Variants in EXOC3L2 observed in about 807,000 individuals in gnomAD.
EXOC3L2 encodes the protein exocyst complex component 3 like 2.
Under a neutral mutation model 44.4 loss-of-function variants are expected in EXOC3L2, and 17 were observed. That is an observed-to-expected ratio of 0.38 (90% CI 0.26 to 0.57). The LOEUF (loss-of-function observed/expected upper bound fraction) is 0.57, where lower values mean the gene tolerates loss of function less well. Among genes scored for constraint, EXOC3L2 ranks in the 20% least tolerant of loss-of-function variants. EXOC3L2 has a pLI of 0.65. For synonymous variants in EXOC3L2, 256 were observed against 253.7 expected (o/e 1.01, Z -0.09); for missense variants, 541 against 588.4 (o/e 0.92, Z 0.83).
At chr19:45,224,360 G>A (rs1056126756) in intron 8 of EXOC3L2, among the ~76,000 whole-genome samples, 1 of 152,062 alleles carries the variant, frequency 6.6e-6, no homozygotes, top group Non-Finnish European at 1.5e-5. Context: ...GGTTGAGCTT[G>A]TGTTACGGCC....
At chr19:45,226,811 G>A (rs346765) in intron 7 of EXOC3L2, among the ~76,000 whole-genome samples, 3,586 of 139,276 alleles carry the variant, frequency 0.026, 134 homozygotes, top group African/African-American at 0.09. Flanking sequence ...GGAGTGTAGT[G>A]GCGCGATCTC....
Position 45,213,083 on chromosome 19 carries a change from G to C in EXOC3L2, c.2395C>G (p.Arg799Gly). Reference protein sequence around the residue: ...RPRPPSLARPRAQR With the variant: ...RPRPPSLARPGAQR ...TTGGGTGACCCTCAGCGCTGGGCCC[G>C]AGGTCGCGCTAGAGACGGAGGCCGG... The change falls in exon 12 of 12, where the codon CGG becomes GGG. Residue 799 changes from arginine to glycine, a missense_variant. Arg to Gly is a moderately radical substitution (Grantham distance 125, BLOSUM62 -2). Coordinates refer to ENST00000413988, the MANE Select transcript of EXOC3L2 (RefSeq NM_001382422.1). 6.6e-7 allele frequency: 1 copy of C among 1,506,378 alleles called. No homozygotes were observed. Among genetic ancestry groups the C allele is most frequent in the Non-Finnish European group, 8.8e-7 (1 of 1,132,788 alleles). 93.3% of individuals were successfully genotyped at this position (1,506,378 alleles called of 1,614,324 possible).
At position 45,217,520 on chromosome 19, in the gene EXOC3L2, A is replaced by G; in HGVS notation, c.1998+8T>C. 6.4e-7 allele frequency: 1 copy of G among 1,573,524 alleles called. No homozygotes were observed. The highest frequency in any genetic ancestry group is 8.6e-7 in the Non-Finnish European group (1 of 1,167,402). ...CTGAAACACCCCCAACCGCGTCCCG[A>G]CACTGACCAGCCGCCGGAACAGCCT... On this transcript the variant is annotated splice_region_variant and intron_variant, in intron 10 of 11. Transcript: ENST00000413988.
intron 1 of EXOC3L2, among the ~76,000 whole-genome samples, chr19:45,241,480 A>C (rs1970131304): frequency 1.0e-5 from 1 of 95,290 alleles, no homozygotes. Context: ...TCCATCTCAA[A>C]AAAAAAAAAA....
intron 8 of EXOC3L2, among the ~76,000 whole-genome samples, chr19:45,220,542 G>T (rs1204662384): frequency 3.3e-5 from 5 of 152,154 alleles, no homozygotes; most frequent in Admixed American, 6.6e-5. Context: ...ATAACTTTAA[G>T]ACAGTGACAG....
At position 45,234,746 on chromosome 19, in the gene EXOC3L2, G is replaced by GCTCCTCGGC; in HGVS notation, c.595_603dup (p.Ala199_Glu201dup). ...GGCGCGCCGCCCCTCGACGGCGCCA[G>GCTCCTCGGC]CTCCTCGGCCTCTAGCTCCAGGATG... On this transcript the variant is annotated inframe_insertion, in exon 3 of 12. Coordinates refer to ENST00000413988, the MANE Select transcript of EXOC3L2 (RefSeq NM_001382422.1). This position sits in a 1 kb window ranked among gnomAD's most constrained non-coding sequence, Gnocchi z 5.0. 1 of 395,458 alleles carries GCTCCTCGGC rather than the reference G, an allele frequency of 2.5e-6. No homozygotes were observed. Among genetic ancestry groups the GCTCCTCGGC allele is most frequent in the Non-Finnish European group, 4.5e-6 (1 of 223,966 alleles). The allele number at this position is 395,458 out of a possible 1,614,324, so 24.5% of individuals were successfully genotyped here.
chr19:45,234,666 C>A lies in EXOC3L2; in HGVS notation c.684G>T (p.Ala228=). 1 of 374,496 alleles carries A rather than the reference C, an allele frequency of 2.7e-6. No homozygotes were observed. The highest frequency in any genetic ancestry group is 4.7e-6 in the Non-Finnish European group (1 of 210,648). The allele number at this position is 374,496 out of a possible 1,614,324, so 23.2% of individuals were successfully genotyped here. The change falls in exon 3 of 12, where the codon GCG becomes GCT. Residue 228 remains alanine, a synonymous_variant. Coordinates refer to ENST00000413988, the MANE Select transcript of EXOC3L2 (RefSeq NM_001382422.1). This position sits in a 1 kb window ranked among gnomAD's most constrained non-coding sequence, Gnocchi z 5.0. The part of the protein sequence containing the change: ...AGGGRRARDV[A]LLYEALQREL... ...CGCGCTGCAGGGCCTCGTACAGCAGCGCCACGTCCCGCGCCCGGCGGCCCC... is the reference window on the plus strand; with the variant it reads ...CGCGCTGCAGGGCCTCGTACAGCAGAGCCACGTCCCGCGCCCGGCGGCCCC...
In EXOC3L2 at chr19:45,212,701, C is replaced by A. The variant is rs1251635753; in HGVS notation, c.*368G>T. The A allele has an allele frequency of 1.1e-5, 2 of 176,010 alleles. No individual in the cohort carries two copies. The highest frequency in any genetic ancestry group is 2.3e-5 in the Non-Finnish European group (2 of 86,302). The allele number at this position is 176,010 out of a possible 1,614,324, so 10.9% of individuals were successfully genotyped here. A position where few individuals can be genotyped will look rare whatever the true frequency, so the allele number is the denominator to read the frequency against. On this transcript the variant is annotated 3_prime_UTR_variant, in exon 12 of 12. Coordinates refer to ENST00000413988, the MANE Select transcript of EXOC3L2 (RefSeq NM_001382422.1). ...CACTGCAGCCTCGAACTCCAGTGAT[C>A]CTCCAGCCTCAGCCTCACCAGTAGC...
At chr19:45,227,597 G>A (rs1969978487) in intron 7 of EXOC3L2, 65 bp downstream of exon 7, 7 of 1,396,374 alleles carry the variant, frequency 5.0e-6, no homozygotes, top group South Asian at 2.5e-5. Flanking sequence ...CCCAGGATCC[G>A]GGCATCCCAG....
Position 45,213,182 on chromosome 19 carries a change from T to G in EXOC3L2, c.2296A>C (p.Ser766Arg). 1 of 1,604,914 alleles carries G rather than the reference T, an allele frequency of 6.2e-7. No homozygotes were observed. Among genetic ancestry groups the G allele is most frequent in the Non-Finnish European group, 8.5e-7 (1 of 1,175,614 alleles). Residue 766 changes from serine to arginine, a missense_variant, in exon 12 of 12, where the codon AGC (serine) becomes CGC (arginine). Coordinates refer to ENST00000413988, the MANE Select transcript of EXOC3L2 (RefSeq NM_001382422.1). ...IPVPRPSFCL[S>R]LPLFLGRLPL... ...AGGCGGCCCAGGAAGAGAGGGAGGC[T>G]GAGACAGAAAGATGGGCGGGGCACA...
chr19:45,226,682 C>T (rs560606015), intron 7 of EXOC3L2, among the ~76,000 whole-genome samples: 10 of 151,364 alleles, frequency 6.6e-5, no homozygotes, highest in African/African-American at 2.4e-4. Flanking sequence ...ATGAACTGCT[C>T]GCCTCGGCCT....
intron 3 of EXOC3L2, among the ~76,000 whole-genome samples, chr19:45,232,979 T>A (rs1331866460): frequency 1.3e-5 from 2 of 151,276 alleles, no homozygotes; most frequent in Admixed American, 6.6e-5. Context: ...ACTTTGGGAG[T>A]TCGAGGCAAG....
At position 45,228,269 on chromosome 19, in the gene EXOC3L2, A is replaced by G. The variant is rs753263937; in HGVS notation, c.1270-3T>C. ...AGAAGGGCAGCCCGGGTCTGAGCCT[A>G]CAGTAGGGAGAGGGGAGACAGGCAG... On this transcript the variant is annotated splice_polypyrimidine_tract_variant and splice_region_variant and intron_variant, in intron 4 of 11. Transcript: ENST00000413988. 3 of 1,613,886 alleles carry G rather than the reference A, an allele frequency of 1.9e-6. No individual in the cohort carries two copies. The highest frequency in any genetic ancestry group is 2.5e-6 in the Non-Finnish European group (3 of 1,179,970).
intron 3 of EXOC3L2, among the ~76,000 whole-genome samples, chr19:45,233,872 G>A (rs1568483888): frequency 6.6e-6 from 1 of 152,188 alleles, no homozygotes; most frequent in Non-Finnish European, 1.5e-5. Context: ...AAGATTCGGG[G>A]ACTGGAAGGG....
At chr19:45,241,539 C>T (rs1970132172) in intron 1 of EXOC3L2, among the ~76,000 whole-genome samples, 1 of 151,984 alleles carries the variant, frequency 6.6e-6, no homozygotes, top group African/African-American at 2.4e-5. Context: ...TCTCCTAAGC[C>T]TTCCATGGCT....
At chr19:45,242,290 G>T (rs1970137011) in intron 1 of EXOC3L2, among the ~76,000 whole-genome samples, 1 of 152,146 alleles carries the variant, frequency 6.6e-6, no homozygotes, top group Non-Finnish European at 1.5e-5. Context: ...TTAGAGACAG[G>T]ATCTCACTCT....
rs950797638 is a variant in EXOC3L2, at chr19:45,219,393, C to CAAAAAAAAAAAAAAAA, written c.1720-1090_1720-1075dup. 2.8e-3 allele frequency among the ~76,000 whole-genome samples: 146 copies of CAAAAAAAAAAAAAAAA among 51,478 alleles called. 6 individuals are homozygous for CAAAAAAAAAAAAAAAA. Among genetic ancestry groups the CAAAAAAAAAAAAAAAA allele is most frequent in the African/African-American group, 6.3e-3 (87 of 13,894 alleles). The allele number at this position is 51,478 out of a possible 152,430, so 33.8% of individuals were successfully genotyped here. A position where few individuals can be genotyped will look rare whatever the true frequency, so the allele number is the denominator to read the frequency against. ...TGGGTAACAGAGGGAGGCCCCGTCT[C>CAAAAAAAAAAAAAAAA]AAAAAAAAAAAAAAAAAAAAAGAGA... On this transcript the variant is annotated intron_variant, in intron 8 of 11. Transcript: ENST00000413988.
chr19:45,215,472 A>T (rs1969822753), intron 11 of EXOC3L2, among the ~76,000 whole-genome samples: 1 of 151,294 alleles, frequency 6.6e-6, no homozygotes. Flanking sequence ...CCCTGTCTCA[A>T]AAAAAAAAGA....
Position 45,238,666 on chromosome 19 carries a change from C to T in EXOC3L2, c.380G>A (p.Arg127Gln), listed in dbSNP as rs561946925. ...GDEEAAGEAA[R>Q]RLAFLRLGRG... ...CCCCAGTCTCAGGAAGGCCAGTCTC[C>T]GGGCGGCCTCCCCCGCTGCCTCCTC... Residue 127 changes from arginine to glutamine, a missense_variant, in exon 2 of 12, where the codon CGG becomes CAG. Coordinates refer to ENST00000413988, the MANE Select transcript of EXOC3L2 (RefSeq NM_001382422.1). The surrounding 1 kb of genome is among the most constrained non-coding windows in gnomAD (Gnocchi z 5.5). 4.8e-5 allele frequency: 19 copies of T among 399,168 alleles called. No individual in the cohort carries two copies. In the South Asian group the frequency reaches 1.3e-3, roughly 27 times the overall value. 24.7% of individuals were successfully genotyped at this position (399,168 alleles called of 1,614,324 possible).
Sources: gnomAD v4.1 joint callset for allele counts (sites outside exome capture counted in the v4.1 genomes callset) on GRCh38, gnomAD v4.1.1 for gene constraint, Gnocchi (gnomAD v3.1) non-coding constraint, MANE v1.5 for transcripts, NCBI Gene and HGNC (gene_info 2026-07-23, HGNC 2026-07-21) for gene names.